Variants in ATP6V1C1 observed in about 807,000 individuals in gnomAD.
ATP6V1C1 encodes the protein V-type proton ATPase subunit C 1.
In ATP6V1C1, 45 loss-of-function variants were observed where a neutral mutation model predicts 53.9. The observed-to-expected ratio is 0.83, with a 90% confidence interval of 0.66 to 1.07. ATP6V1C1 has a LOEUF of 1.07. Among genes scored for constraint, ATP6V1C1 ranks in the 50% least tolerant of loss-of-function variants. The probability of loss-of-function intolerance (pLI) is 0.00; values close to 1 mark genes in which losing one functional copy is unlikely to be tolerated. For synonymous variants in ATP6V1C1, 153 were observed against 155.2 expected (o/e 0.99, Z 0.11); for missense variants, 315 against 440.3 (o/e 0.72, Z 2.55).
At chr8:103,038,589 A>G (rs1037825976) in intron 1 of ATP6V1C1, among the ~76,000 whole-genome samples, 2 of 152,252 alleles carry the variant, frequency 1.3e-5, no homozygotes, top group Admixed American at 6.5e-5. Context: ...GCAAAAAAGT[A>G]AAAACAATTT....
At chr8:103,030,412 C>T (rs895766940) in intron 1 of ATP6V1C1, among the ~76,000 whole-genome samples, 2 of 152,132 alleles carry the variant, frequency 1.3e-5, no homozygotes, top group Admixed American at 6.5e-5. Context: ...ATAATACATA[C>T]AACAAAACCA....
At chr8:103,040,555 AAGT>A (rs1253149573) in intron 1 of ATP6V1C1, among the ~76,000 whole-genome samples, 1 of 152,216 alleles carries the variant, frequency 6.6e-6, no homozygotes, top group Non-Finnish European at 1.5e-5. Context: ...TAATGAAAAA[AAGT>A]AGGTACTTCA....
At chr8:103,067,970 T>G (rs559223183) in intron 12 of ATP6V1C1, among the ~76,000 whole-genome samples, 233 of 152,206 alleles carry the variant, frequency 1.5e-3, no homozygotes, top group Non-Finnish European at 2.8e-3. Context: ...TAAATTCTTA[T>G]AACATGCATT....
At chr8:103,025,609 GCA>G (rs1484094470) in intron 1 of ATP6V1C1, among the ~76,000 whole-genome samples, 1 of 152,190 alleles carries the variant, frequency 6.6e-6, no homozygotes, top group Non-Finnish European at 1.5e-5. Context: ...TTGTAAAACT[GCA>G]TGAATAACTC....
At chr8:103,034,327 A>G (rs927889249) in intron 1 of ATP6V1C1, among the ~76,000 whole-genome samples, 24 of 152,208 alleles carry the variant, frequency 1.6e-4, no homozygotes, top group African/African-American at 4.6e-4. Context: ...TATTCAAGAT[A>G]AAATAAAGGG....
chr8:103,025,623 A>C (rs796347685), intron 1 of ATP6V1C1, among the ~76,000 whole-genome samples: 5 of 152,218 alleles, frequency 3.3e-5, no homozygotes, highest in Non-Finnish European at 7.3e-5. Context: ...GAATAACTCA[A>C]ATAGAGTCCC....
At chr8:103,021,956 C>T (rs1207656086) in intron 1 of ATP6V1C1, among the ~76,000 whole-genome samples, 1 of 152,128 alleles carries the variant, frequency 6.6e-6, no homozygotes, top group Non-Finnish European at 1.5e-5. Flanking sequence ...TCACATGCTT[C>T]AGTGCGAGCC....
intron 3 of ATP6V1C1, among the ~76,000 whole-genome samples, chr8:103,047,816 C>T (rs1425282203): frequency 6.6e-6 from 1 of 152,206 alleles, no homozygotes; most frequent in East Asian, 1.9e-4. Flanking sequence ...CATTTCTGTC[C>T]TTCATCGCCC....
chr8:103,040,890 A>G lies in ATP6V1C1; in HGVS notation c.54A>G (p.Thr18=), dbSNP rs1437610676. The G allele has an allele frequency of 3.7e-6, 6 of 1,614,150 alleles. No individual in the cohort carries two copies. The highest frequency in any genetic ancestry group is 3.3e-5 in the South Asian group (3 of 91,080). Residue 18 remains threonine (T), a synonymous_variant, in exon 2 of 13, where the codon ACA becomes ACG. Transcript: ENST00000518738. The part of the protein sequence containing the change: ...SAPGEKTCQQ[T]WEKLHAATSK... ...CTGGGGAGAAAACCTGTCAGCAAAC[A>G]TGGGAGAAATTGCATGCGGCAACTT...
rs1816691788 is a variant in ATP6V1C1, at chr8:103,026,237, A to G, written c.-40+5012A>G. On this transcript the variant is annotated intron_variant, in intron 1 of 12. Transcript: ENST00000518738. The stretch of plus-strand genomic sequence containing the variant: ...ATTTTCCAACATTGTATTATGTATT[A>G]CATCCCCAGCCCCCACTCCACAATG... 2.0e-5 allele frequency among the ~76,000 whole-genome samples: 3 copies of G among 152,216 alleles called. 1 individual carries two copies. The South Asian group carries it at 6.2e-4, about 32-fold the overall frequency.
chr8:103,068,533 C>A, intron 12 of ATP6V1C1, 119 bp from the exon 13 acceptor site: 1 of 627,938 alleles, frequency 1.6e-6, no homozygotes, highest in Non-Finnish European at 2.5e-6. Context: ...ATAAATTAGC[C>A]TTAAGTGCAT....
At chr8:103,050,946 C>A in intron 4 of ATP6V1C1, 104 bp from the exon 5 acceptor site, 1 of 744,292 alleles carries the variant, frequency 1.3e-6, no homozygotes, top group Non-Finnish European at 2.3e-6. Flanking sequence ...GACATCTTTG[C>A]TGATTTCCTC....
In ATP6V1C1 at chr8:103,037,000, G is replaced by A. The variant is rs377213341; in HGVS notation, c.-39-3798G>A. On this transcript the variant is annotated intron_variant, in intron 1 of 12. Transcript: ENST00000518738. ...GCTTAGATCTGGATTACAAAAAGAG[G>A]TTTAAAGATGCTATTAGATTTTCTA... Among the ~76,000 whole-genome samples, 6 of 152,268 alleles carry A rather than the reference G, an allele frequency of 3.9e-5. No individual in the cohort carries two copies. The East Asian group carries it at 1.2e-3, about 29-fold the overall frequency.
At chr8:103,028,999 T>G (rs1244700258) in intron 1 of ATP6V1C1, among the ~76,000 whole-genome samples, 1 of 152,136 alleles carries the variant, frequency 6.6e-6, no homozygotes, top group Non-Finnish European at 1.5e-5. Context: ...TGTTTGTGTT[T>G]ACATGTAATA....
At chr8:103,047,464 A>ACACACATT (rs137856477) in intron 3 of ATP6V1C1, among the ~76,000 whole-genome samples, 10 of 125,604 alleles carry the variant, frequency 8.0e-5, no homozygotes, top group Admixed American at 3.8e-4. Flanking sequence ...ACACACACAC[A>ACACACATT]TTTTTTTTTT....
chr8:103,072,219 T>A lies in ATP6V1C1; in HGVS notation c.*3472T>A, dbSNP rs1017677639. The A allele has an allele frequency of 6.6e-6, 1 of 152,242 alleles. No homozygotes were observed. Among genetic ancestry groups the A allele is most frequent in the Non-Finnish European group, 1.5e-5 (1 of 68,026 alleles). 9.4% of individuals were successfully genotyped at this position (152,242 alleles called of 1,614,324 possible). ...GTAGTACCTTTAAAGTAACACTTTG[T>A]ACATAACAAATACTCAGCAAATGTG... is the stretch of plus-strand genomic sequence containing the variant. On this transcript the variant is annotated 3_prime_UTR_variant, in exon 13 of 13. Transcript: ENST00000518738.
Position 103,070,611 on chromosome 8 carries a change from A to G in ATP6V1C1, c.*1864A>G, listed in dbSNP as rs1024823649. ...CATTAAATTGACTTTTAAGAAAAAC[A>G]TGTCACTAACCTGAAGCTCAGCCAC... On this transcript the variant is annotated 3_prime_UTR_variant, in exon 13 of 13. Transcript: ENST00000518738. 1.3e-5 allele frequency: 2 copies of G among 152,250 alleles called. No individual in the cohort carries two copies. The highest frequency in any genetic ancestry group is 4.8e-5 in the African/African-American group (2 of 41,470). The allele number at this position is 152,250 out of a possible 1,614,324, so 9.4% of individuals were successfully genotyped here.
At chr8:103,059,890 ACACACACC>A (rs113964320) in intron 8 of ATP6V1C1, among the ~76,000 whole-genome samples, 103,427 of 142,048 alleles carry the variant, frequency 0.73, 36,065 homozygotes, top group Admixed American at 0.77. Context: ...ACACACACAC[ACACACACC>A]CACACACCCA....
At chr8:103,057,069 T>C (rs1817300478) in intron 8 of ATP6V1C1, among the ~76,000 whole-genome samples, 2 of 152,010 alleles carry the variant, frequency 1.3e-5, no homozygotes, top group African/African-American at 4.8e-5. Context: ...CAAAGCAAAA[T>C]AAGAATGAAG....
Sources: allele counts gnomAD v4.1 joint callset (sites outside exome capture counted in the v4.1 genomes callset), GRCh38; gene constraint gnomAD v4.1.1; transcripts MANE v1.5; gene names NCBI Gene and HGNC (gene_info 2026-07-23, HGNC 2026-07-21).